PTPRM: variants seen among roughly 807,000 people sequenced by gnomAD.
The protein encoded by PTPRM is receptor-type tyrosine-protein phosphatase mu.
Under a neutral mutation model 186.7 loss-of-function variants are expected in PTPRM, and 47 were observed. That is an observed-to-expected ratio of 0.25 (90% CI 0.20 to 0.32). PTPRM has a LOEUF of 0.32. Ranked by LOEUF, PTPRM falls within the 10% of genes least tolerant of loss-of-function variation. The probability of loss-of-function intolerance (pLI) is 1.00; values close to 1 mark genes in which losing one functional copy is unlikely to be tolerated. For missense variants in PTPRM, 1,494 were observed against 1,865.0 expected (o/e 0.80, Z 3.66); for synonymous variants, 668 against 674.9 (o/e 0.99, Z 0.16).
rs1215694977 is a variant in PTPRM at position 8,126,025 on chromosome 18, A to ATTTTTTTTTT, written c.2167+11199_2167+11200insTTTTTTTTTT. ...TATATATATATATATATATATATATATATTTTAAATCAGTAGACCTTTCCA... is the reference window on the plus strand; with the variant it reads ...TATATATATATATATATATATATATATTTTTTTTTTTATTTTAAATCAGTAGACCTTTCCA... On this transcript the variant is annotated intron_variant, in intron 13 of 32. Coordinates refer to ENST00000580170, the MANE Select transcript of PTPRM (RefSeq NM_001105244.2). 1.4e-3 allele frequency among the ~76,000 whole-genome samples: 82 copies of ATTTTTTTTTT among 57,240 alleles called. 6 individuals are homozygous for ATTTTTTTTTT. Among genetic ancestry groups the ATTTTTTTTTT allele is most frequent in the Non-Finnish European group, 1.9e-3 (54 of 28,724 alleles). 37.6% of individuals were successfully genotyped at this position (57,240 alleles called of 152,430 possible). A position where few individuals can be genotyped will look rare whatever the true frequency, so the allele number is the denominator to read the frequency against.
At chr18:7,893,001 A>G (rs750442878) in intron 3 of PTPRM, among the ~76,000 whole-genome samples, 1 of 152,234 alleles carries the variant, frequency 6.6e-6, no homozygotes, top group African/African-American at 2.4e-5. Context: ...GTACACAAAC[A>G]TTCAGTTCAT....
intron 4 of PTPRM, among the ~76,000 whole-genome samples, chr18:7,920,936 T>C (rs1360167990): frequency 2.0e-5 from 3 of 152,220 alleles, no homozygotes; most frequent in African/African-American, 7.2e-5. Context: ...TATACACTCC[T>C]GTTTTCATTG....
chr18:7,568,034 C>T lies in PTPRM; in HGVS notation c.73+143C>T. ...GCGGCGGGCCGGACACCGCTTCTGC[C>T]TGTGAGCCGGGCGCTGGGCGAGGGG... is the stretch of plus-strand genomic sequence containing the variant. On this transcript the variant is annotated intron_variant, in intron 1 of 32. Transcript: ENST00000580170. The surrounding 1 kb of genome is among the most constrained non-coding windows in gnomAD (Gnocchi z 5.1). 1.3e-6 allele frequency: 1 copy of T among 772,776 alleles called. No homozygotes were observed. Among genetic ancestry groups the T allele is most frequent in the Non-Finnish European group, 1.8e-6 (1 of 557,322 alleles). The allele number at this position is 772,776 out of a possible 1,614,324, so 47.9% of individuals were successfully genotyped here. A position where few individuals can be genotyped will look rare whatever the true frequency, so the allele number is the denominator to read the frequency against.
chr18:8,143,233 G>A lies in PTPRM; in HGVS notation c.2168-414G>A, dbSNP rs566912262. ...TAATATGTTATGGAATTACTGCTTCGTTTATGAAAAATAACTGAGGAAAAT... is the reference window on the plus strand; with the variant it reads ...TAATATGTTATGGAATTACTGCTTCATTTATGAAAAATAACTGAGGAAAAT... On this transcript the variant is annotated intron_variant, in intron 13 of 32. Transcript: ENST00000580170. 3.8e-3 allele frequency among the ~76,000 whole-genome samples: 577 copies of A among 152,244 alleles called. 4 individuals carry two copies. The highest frequency in any genetic ancestry group is 0.013 in the African/African-American group (532 of 41,540).
At chr18:7,996,872 A>T (rs372965553) in intron 7 of PTPRM, among the ~76,000 whole-genome samples, 1 of 152,166 alleles carries the variant, frequency 6.6e-6, no homozygotes. Flanking sequence ...CTAAAACACT[A>T]ATGAAAGGAA....
rs914301428 is a variant in PTPRM, at chr18:7,795,030, C to G, written c.196+20759C>G. Among the ~76,000 whole-genome samples the G allele has an allele frequency of 2.0e-5, 3 of 152,202 alleles. No homozygotes were observed. The East Asian group carries it at 5.8e-4, about 29-fold the overall frequency. On this transcript the variant is annotated intron_variant, in intron 2 of 32. Coordinates refer to ENST00000580170, the MANE Select transcript of PTPRM (RefSeq NM_001105244.2). ...GAAGCTCACATATATTTAAAAGATG[C>G]TCTTCTCTCGTCAAAAGATCAAAGT...
chr18:8,341,808 C>T, intron 22 of PTPRM, among the ~76,000 whole-genome samples: 1 of 152,142 alleles, frequency 6.6e-6, no homozygotes, highest in South Asian at 2.1e-4. Flanking sequence ...TCTCTGCAAG[C>T]CAGAACTGTA....
chr18:8,021,300 T>C (rs531694049), intron 7 of PTPRM, among the ~76,000 whole-genome samples: 1 of 147,570 alleles, frequency 6.8e-6, no homozygotes, highest in Non-Finnish European at 1.5e-5. Flanking sequence ...AAGTGATTTG[T>C]GCTTAAGCAT....
intron 5 of PTPRM, among the ~76,000 whole-genome samples, chr18:7,935,775 G>A (rs2051767178): frequency 1.3e-5 from 2 of 152,078 alleles, no homozygotes; most frequent in South Asian, 2.1e-4. Flanking sequence ...CCCAGGTGGC[G>A]AACATAATAC....
intron 22 of PTPRM, among the ~76,000 whole-genome samples, chr18:8,342,303 C>G (rs2095479560): frequency 6.6e-6 from 1 of 152,152 alleles, no homozygotes; most frequent in Non-Finnish European, 1.5e-5. Context: ...TTATAAAATG[C>G]CTGAGTATAC....
intron 11 of PTPRM, among the ~76,000 whole-genome samples, chr18:8,105,178 G>T (rs2145595842): frequency 6.6e-6 from 1 of 152,280 alleles, no homozygotes; most frequent in South Asian, 2.1e-4. Flanking sequence ...GCTTTTTATA[G>T]AATTTGTTTT....
intron 14 of PTPRM, among the ~76,000 whole-genome samples, chr18:8,176,144 G>A (rs2093477484): frequency 6.6e-6 from 1 of 152,282 alleles, no homozygotes; most frequent in Non-Finnish European, 1.5e-5. Context: ...ATAGTTTCCT[G>A]AGGGAAAATT....
intron 1 of PTPRM, among the ~76,000 whole-genome samples, chr18:7,690,634 A>G (rs1236134863): frequency 6.6e-6 from 1 of 152,214 alleles, no homozygotes; most frequent in Non-Finnish European, 1.5e-5. Flanking sequence ...TTTTCAAGAG[A>G]GAAGTTTATT....
At chr18:8,029,288 C>G (rs1356272946) in intron 7 of PTPRM, among the ~76,000 whole-genome samples, 1 of 150,828 alleles carries the variant, frequency 6.6e-6, no homozygotes, top group Non-Finnish European at 1.5e-5. Context: ...GTGCCTCCCC[C>G]ACACCTGTCC....
At chr18:7,809,817 G>C (rs562726087) in intron 2 of PTPRM, among the ~76,000 whole-genome samples, 1 of 152,308 alleles carries the variant, frequency 6.6e-6, no homozygotes, top group African/African-American at 2.4e-5. Flanking sequence ...TAAGGGGAGG[G>C]TGATGGTAGA....
chr18:8,294,755 G>C (rs1203575135), intron 19 of PTPRM, among the ~76,000 whole-genome samples: 1 of 152,128 alleles, frequency 6.6e-6, no homozygotes, highest in African/African-American at 2.4e-5. Flanking sequence ...CACGACTAAG[G>C]GACCTTAAGA....
At chr18:8,054,323 T>A (rs537047790) in intron 7 of PTPRM, among the ~76,000 whole-genome samples, 10,040 of 85,752 alleles carry the variant, frequency 0.12, 465 homozygotes, top group South Asian at 0.16. Context: ...ATATATATAT[T>A]ACTACTACTA....
chr18:7,659,189 CTG>C (rs2038923814), intron 1 of PTPRM, among the ~76,000 whole-genome samples: 1 of 151,650 alleles, frequency 6.6e-6, no homozygotes, highest in South Asian at 2.1e-4. Context: ...TTTTCACTGA[CTG>C]TTCTCCATCT....
At chr18:8,093,892 C>CTAA (rs1444127642) in intron 11 of PTPRM, among the ~76,000 whole-genome samples, 2 of 152,112 alleles carry the variant, frequency 1.3e-5, no homozygotes, top group Non-Finnish European at 2.9e-5. Flanking sequence ...TTAACAAAGC[C>CTAA]TAATGTTCTA....
Sources: gnomAD v4.1 joint callset for allele counts (sites outside exome capture counted in the v4.1 genomes callset) on GRCh38, gnomAD v4.1.1 for gene constraint, Gnocchi (gnomAD v3.1) non-coding constraint, MANE v1.5 for transcripts, NCBI Gene and HGNC (gene_info 2026-07-23, HGNC 2026-07-21) for gene names.